PTPN3: variants seen among roughly 807,000 people sequenced by gnomAD.
PTPN3 encodes protein tyrosine phosphatase non-receptor type 3.
Under a neutral mutation model 132.7 loss-of-function variants are expected in PTPN3, and 96 were observed. That is an observed-to-expected ratio of 0.72 (90% CI 0.61 to 0.86). PTPN3 has a LOEUF of 0.86. Ranked by LOEUF, PTPN3 falls within the 40% of genes least tolerant of loss-of-function variation. The pLI is 0.00. For missense variants in PTPN3, 1,125 were observed against 1,159.6 expected (o/e 0.97, Z 0.43); for synonymous variants, 398 against 429.0 (o/e 0.93, Z 0.89).
chr9:109,453,497 C>T (rs1475092791), intron 5 of PTPN3, among the ~76,000 whole-genome samples: 1 of 152,192 alleles, frequency 6.6e-6, no homozygotes, highest in Non-Finnish European at 1.5e-5. Flanking sequence ...CACTCTCCTA[C>T]TCCATTCCAA....
chr9:109,419,805 T>C (rs1842766341), intron 14 of PTPN3, among the ~76,000 whole-genome samples: 1 of 152,194 alleles, frequency 6.6e-6, no homozygotes, highest in South Asian at 2.1e-4. Context: ...CTCAACCATC[T>C]TTCAGGACAG....
chr9:109,436,925 C>T lies in PTPN3; in HGVS notation c.633G>A (p.Ala211=), dbSNP rs143196464. 81 of 1,613,968 alleles carry T rather than the reference C, an allele frequency of 5.0e-5. No individual in the cohort carries two copies. The highest frequency in any genetic ancestry group is 8.9e-5 in the East Asian group (4 of 44,872). Residue 211 remains alanine, a synonymous_variant, in exon 9 of 26, where the codon GCG becomes GCA. Coordinates refer to ENST00000374541, the MANE Select transcript of PTPN3 (RefSeq NM_002829.4). ...SEAESCYINI[A]RTLDFYGVEL... ...CTACTCCATAGAAGTCGAGGGTCCGCGCTATGTTGATATAGCAGGATTCTG... is the reference window on the plus strand; with the variant it reads ...CTACTCCATAGAAGTCGAGGGTCCGTGCTATGTTGATATAGCAGGATTCTG...
intron 1 of PTPN3, among the ~76,000 whole-genome samples, chr9:109,492,595 C>A (rs1312379914): frequency 6.6e-6 from 1 of 152,172 alleles, no homozygotes; most frequent in African/African-American, 2.4e-5. Flanking sequence ...GGAATAGGTG[C>A]AATTATGATC....
intron 5 of PTPN3, chr9:109,450,109 T>C (rs1564453770): frequency 3.0e-6 from 3 of 984,488 alleles, no homozygotes; most frequent in South Asian, 9.4e-5. Context: ...AAATTTCTTA[T>C]ATGTTTAATG....
intron 2 of PTPN3, among the ~76,000 whole-genome samples, chr9:109,461,109 T>A (rs1409360774): frequency 6.6e-6 from 1 of 152,218 alleles, no homozygotes; most frequent in Non-Finnish European, 1.5e-5. Context: ...AATCACAAAA[T>A]TCTATGAAAG....
rs561127160 is a variant in PTPN3, at chr9:109,497,784, C to G, written c.-18+435G>C. 1.4e-4 allele frequency among the ~76,000 whole-genome samples: 21 copies of G among 152,072 alleles called. No individual in the cohort carries two copies. In the East Asian group the frequency reaches 3.9e-3, roughly 28 times the overall value. On this transcript the variant is annotated intron_variant, in intron 1 of 25. Transcript: ENST00000374541. ...AGGCGGATTCGCCCTGGGAGCCGAG[C>G]GCTGGCAGCCGCTCTCGGCTAGCTC...
At chr9:109,457,122 T>G in intron 4 of PTPN3, 51 bp downstream of exon 4, 1 of 1,573,534 alleles carries the variant, frequency 6.4e-7, no homozygotes, top group Non-Finnish European at 8.7e-7. Flanking sequence ...AGAAACAGGC[T>G]GTGATACACT....
At chr9:109,479,410 G>A (rs951038087) in intron 1 of PTPN3, among the ~76,000 whole-genome samples, 1 of 152,164 alleles carries the variant, frequency 6.6e-6, no homozygotes, top group African/African-American at 2.4e-5. Flanking sequence ...CAATTCATCT[G>A]TCATTGGACA....
chr9:109,403,437 G>T (rs148434119), intron 19 of PTPN3, among the ~76,000 whole-genome samples: 1 of 152,268 alleles, frequency 6.6e-6, no homozygotes, highest in African/African-American at 2.4e-5. Flanking sequence ...AACCCAGACT[G>T]TTGTTATTTC....
intron 17 of PTPN3, 141 bp from the exon 18 acceptor site, chr9:109,406,759 G>C (rs570123422): frequency 1.0e-6 from 1 of 953,312 alleles, no homozygotes; most frequent in African/African-American, 1.6e-5. Context: ...GTCATTATTT[G>C]TATAATGCAT....
At position 109,381,760 on chromosome 9, in the gene PTPN3, C is replaced by T. The variant is rs1468080334; in HGVS notation, c.2556G>A (p.Leu852=). The change falls in exon 25 of 26, where the codon TTG becomes TTA. Residue 852 remains leucine (L), a synonymous_variant. Coordinates refer to ENST00000374541, the MANE Select transcript of PTPN3 (RefSeq NM_002829.4). The stretch of plus-strand genomic sequence containing the variant: ...GGCACATGGCTGTTTCCATAGTGAC[C>T]AACACACCGGTTCGACCTATTCCAG... ...CSAGIGRTGV[L]VTMETAMCLT... 1 of 1,614,224 alleles carries T rather than the reference C, an allele frequency of 6.2e-7. No individual in the cohort carries two copies. Among genetic ancestry groups the T allele is most frequent in the South Asian group, 1.1e-5 (1 of 91,088 alleles).
At chr9:109,430,604 G>C (rs1564433529) in intron 10 of PTPN3, among the ~76,000 whole-genome samples, 1 of 152,220 alleles carries the variant, frequency 6.6e-6, no homozygotes, top group Non-Finnish European at 1.5e-5. Flanking sequence ...CCTGGGGACA[G>C]AGGGAAGAGG....
At chr9:109,457,533 T>G in intron 2 of PTPN3, 134 bp from the exon 3 acceptor site, 1 of 697,894 alleles carries the variant, frequency 1.4e-6, no homozygotes, top group South Asian at 2.0e-5. Context: ...AAGAAAAGCT[T>G]TAATAAATTT....
rs1437904639 is a variant in PTPN3, at chr9:109,378,050, C to G, written c.*1506G>C. ...TGCTAGCTCTAGAGATAAAGAATCTCCCATATAGGTCTTCATCCGTCTTGC... is the reference window on the plus strand; with the variant it reads ...TGCTAGCTCTAGAGATAAAGAATCTGCCATATAGGTCTTCATCCGTCTTGC... On this transcript the variant is annotated 3_prime_UTR_variant, in exon 26 of 26. Transcript: ENST00000374541. 6.6e-6 allele frequency: 1 copy of G among 152,188 alleles called. No individual in the cohort carries two copies. Among genetic ancestry groups the G allele is most frequent in the Non-Finnish European group, 1.5e-5 (1 of 68,040 alleles). The allele number at this position is 152,188 out of a possible 1,614,324, so 9.4% of individuals were successfully genotyped here. A position where few individuals can be genotyped will look rare whatever the true frequency, so the allele number is the denominator to read the frequency against.
the PTPN3 span, among the ~76,000 whole-genome samples, chr9:109,528,484 G>C: frequency 6.6e-6 from 1 of 152,196 alleles, no homozygotes; most frequent in Non-Finnish European, 1.5e-5. Flanking sequence ...AAGTGTACAC[G>C]ATCTCTGATT....
chr9:109,453,213 C>G (rs2132016007), intron 5 of PTPN3, among the ~76,000 whole-genome samples: 2 of 152,302 alleles, frequency 1.3e-5, no homozygotes, highest in East Asian at 1.9e-4. Context: ...GGCCTTTCAA[C>G]ATATTACAAG....
Position 109,475,486 on chromosome 9 carries a change from T to C in PTPN3, c.-17-12035A>G, listed in dbSNP as rs185775330. On this transcript the variant is annotated intron_variant, in intron 1 of 25. Coordinates refer to ENST00000374541, the MANE Select transcript of PTPN3 (RefSeq NM_002829.4). ...TGGAATATGTTTTACATTTAGCTGT[T>C]TCTACCTAAAATTAAGCTACTGATC... is the stretch of plus-strand genomic sequence containing the variant. 2.0e-4 allele frequency among the ~76,000 whole-genome samples: 31 copies of C among 152,336 alleles called. 1 individual carries two copies. The East Asian group carries it at 5.2e-3, about 26-fold the overall frequency.
Position 109,410,019 on chromosome 9 carries a change from T to C in PTPN3, c.1558A>G (p.Lys520Glu), listed in dbSNP as rs1415006028. The change falls in exon 16 of 26, where the codon AAA becomes GAA. Residue 520 changes from lysine to glutamate, a missense_variant. Lys to Glu is a moderately conservative substitution (Grantham distance 56). Coordinates refer to ENST00000374541, the MANE Select transcript of PTPN3 (RefSeq NM_002829.4). ...LIRITPDEDG[K>E]FGFNLKGGVD... ...CATACCTTAAGATTAAATCCAAATTTTCCATCTTCATCTGGTGTGATACGG... is the reference window on the plus strand; with the variant it reads ...CATACCTTAAGATTAAATCCAAATTCTCCATCTTCATCTGGTGTGATACGG... 6.2e-7 allele frequency: 1 copy of C among 1,614,228 alleles called. No homozygotes were observed. Among genetic ancestry groups the C allele is most frequent in the East Asian group, 2.2e-5 (1 of 44,888 alleles).
chr9:109,467,134 A>AG (rs1395882386), intron 1 of PTPN3, among the ~76,000 whole-genome samples: 2 of 152,204 alleles, frequency 1.3e-5, no homozygotes, highest in Non-Finnish European at 2.9e-5. Flanking sequence ...CATCAGAAGC[A>AG]GGGATGCATT....
Sources: gnomAD v4.1 joint callset for allele counts (sites outside exome capture counted in the v4.1 genomes callset) on GRCh38, gnomAD v4.1.1 for gene constraint, MANE v1.5 for transcripts, NCBI Gene and HGNC (gene_info 2026-07-23, HGNC 2026-07-21) for gene names.